Variants in GC observed in about 807,000 individuals in gnomAD.
GC encodes vitamin D-binding protein.
In GC, 43 loss-of-function variants were observed where a neutral mutation model predicts 56.7. The observed-to-expected ratio is 0.76, with a 90% CI of 0.59 to 0.98. The LOEUF (loss-of-function observed/expected upper bound fraction) is 0.98, where lower values mean the gene tolerates loss of function less well. Among genes scored for constraint, GC ranks in the 50% least tolerant of loss-of-function variants. The pLI, the probability that GC is intolerant of heterozygous loss-of-function variation, is 0.00. For missense variants in GC, 529 were observed against 545.9 expected (o/e 0.97, Z 0.31); for synonymous variants, 216 against 202.7 (o/e 1.07, Z -0.56).
At chr4:71,803,464 T>A (rs913145056) in intron 1 of GC, among the ~76,000 whole-genome samples, 5 of 152,088 alleles carry the variant, frequency 3.3e-5, no homozygotes, top group Admixed American at 6.5e-5. Context: ...ATAAATAACT[T>A]TACAAACTTC....
At chr4:71,774,526 C>T (rs1292188624) in intron 1 of GC, among the ~76,000 whole-genome samples, 1 of 151,854 alleles carries the variant, frequency 6.6e-6, no homozygotes, top group African/African-American at 2.4e-5. Flanking sequence ...TTTGCCTCTT[C>T]CACTTTTGGG....
chr4:71,800,987 C>T (rs1297228993), intron 1 of GC, among the ~76,000 whole-genome samples: 3 of 149,148 alleles, frequency 2.0e-5, no homozygotes, highest in Non-Finnish European at 3.0e-5. Context: ...AGAAAAATGG[C>T]CTTTATCAAA....
chr4:71,787,985 C>T (rs1295267906), upstream of GC, among the ~76,000 whole-genome samples: 1 of 151,812 alleles, frequency 6.6e-6, no homozygotes, highest in Non-Finnish European at 1.5e-5. Flanking sequence ...GCTGAGTCCA[C>T]CTCCTCTGTG....
chr4:71,784,071 A>G lies in GC; in HGVS notation c.-53T>C. 6.4e-7 allele frequency: 1 copy of G among 1,562,204 alleles called. No individual in the cohort carries two copies. The highest frequency in any genetic ancestry group is 2.3e-5 in the East Asian group (1 of 43,618). ...TCCTCTCTCCTGTAGGTGACCATGT[A>G]AAAGTGGTAGCCAAAAGTAATTGGT... On this transcript the variant is annotated 5_prime_UTR_variant, in exon 1 of 13. Coordinates refer to ENST00000273951, the MANE Select transcript of GC (RefSeq NM_000583.4).
At chr4:71,786,980 G>A (rs561421160), upstream of GC, among the ~76,000 whole-genome samples, 3 of 151,942 alleles carry the variant, frequency 2.0e-5, no homozygotes, top group Non-Finnish European at 4.4e-5. Context: ...GATGTACAGA[G>A]AAGAACAGAA....
Position 71,743,812 on chromosome 4 carries a change from T to C in GC, c.*26-1942A>G, listed in dbSNP as rs574094673. ...GAATGCAATGGTGATAAACAAGCAG[T>C]AGATAAAATTGAGCTCAAAACACTC... On this transcript the variant is annotated intron_variant, in intron 12 of 12. Coordinates refer to ENST00000273951, the MANE Select transcript of GC (RefSeq NM_000583.4). 9.0e-4 allele frequency among the ~76,000 whole-genome samples: 137 copies of C among 152,206 alleles called. 1 individual carries two copies. The highest frequency in any genetic ancestry group is 3.2e-3 in the African/African-American group (135 of 41,546).
chr4:71,793,945 C>T (rs60537241), intron 1 of GC, among the ~76,000 whole-genome samples: 3,188 of 152,072 alleles, frequency 0.021, 116 homozygotes, highest in African/African-American at 0.073. Context: ...TCTATTTATG[C>T]GATGGATTAC....
At chr4:71,789,801 G>A (rs910600904) in intron 1 of GC, among the ~76,000 whole-genome samples, 11 of 151,928 alleles carry the variant, frequency 7.2e-5, no homozygotes, top group African/African-American at 2.7e-4. Context: ...GGTCCTTTAT[G>A]TGTAGAAGAA....
At chr4:71,794,443 T>C (rs1240265141) in intron 1 of GC, among the ~76,000 whole-genome samples, 3 of 152,216 alleles carry the variant, frequency 2.0e-5, no homozygotes, top group Non-Finnish European at 1.5e-5. Context: ...TTTATTTGCA[T>C]AGAGGTGTTT....
Position 71,763,473 on chromosome 4 carries a change from G to T in GC, c.636C>A (p.Leu212=). ...ERLQLKHLSL[L]TTLSNRVCSQ... ...AGCAGACTCTATTTGACAGAGTGGT[G>T]AGAAGTGATAAATGTTTAAGCTGGA... Residue 212 remains leucine, a synonymous_variant, in exon 6 of 13, where the codon CTC becomes CTA. Transcript: ENST00000273951. The T allele has an allele frequency of 1.2e-6, 2 of 1,603,752 alleles. No homozygotes were observed. The highest frequency in any genetic ancestry group is 1.7e-6 in the Non-Finnish European group (2 of 1,171,006).
At chr4:71,776,247 A>C (rs1189017113) in intron 1 of GC, among the ~76,000 whole-genome samples, 1 of 151,930 alleles carries the variant, frequency 6.6e-6, no homozygotes, top group Non-Finnish European at 1.5e-5. Flanking sequence ...ATGCTGAAAC[A>C]ACCTAAGTGT....
chr4:71,754,990 A>G lies in GC; in HGVS notation c.1152T>C (p.Cys384=). ...ECCDVEDSTT[C]FNAKGPLLKK... is the part of the protein sequence containing the mutation. ...CCAACAAATATACCTTAGCATTAAA[A>G]CAGGTAGTTGAGTCTTCAACATCAC... Residue 384 remains cysteine, a synonymous_variant, in exon 9 of 13, where the codon TGT becomes TGC. Transcript: ENST00000273951. 1.3e-6 allele frequency: 2 copies of G among 1,581,698 alleles called. No homozygotes were observed. Among genetic ancestry groups the G allele is most frequent in the Middle Eastern group, 3.3e-4 (2 of 5,974 alleles).
rs939342077 is a variant in GC, at chr4:71,803,925, C to A, written c.21+1G>T. On this transcript the variant is annotated splice_donor_variant, in intron 1 of 13. Coordinates refer to the GC transcript ENST00000504199. LOFTEE classifies it high-confidence loss of function. ...AATTATTTGGAATTAGAACGCAGTA[C>A]CTCACTCCAAGACCACAGCATTTCC... 1.3e-6 allele frequency: 2 copies of A among 1,494,464 alleles called. No individual in the cohort carries two copies. Among genetic ancestry groups the A allele is most frequent in the Non-Finnish European group, 1.8e-6 (2 of 1,108,962 alleles). The allele number at this position is 1,494,464 out of a possible 1,614,324, so 92.6% of individuals were successfully genotyped here. A position where few individuals can be genotyped will look rare whatever the true frequency, so the allele number is the denominator to read the frequency against.
upstream of GC, among the ~76,000 whole-genome samples, chr4:71,786,283 T>A (rs1284628553): frequency 1.3e-5 from 2 of 151,886 alleles, no homozygotes; most frequent in East Asian, 3.9e-4. Context: ...CCTTAATCTT[T>A]CAAATGTTGA....
chr4:71,771,366 C>T (rs1742336447), intron 1 of GC, among the ~76,000 whole-genome samples: 1 of 151,698 alleles, frequency 6.6e-6, no homozygotes, highest in Admixed American at 6.6e-5. Context: ...CTTTAGGACT[C>T]ATCAGATTAA....
upstream of GC, among the ~76,000 whole-genome samples, chr4:71,786,161 T>C (rs1742828327): frequency 6.6e-6 from 1 of 151,888 alleles, no homozygotes; most frequent in Admixed American, 6.6e-5. Context: ...GAGAAATCTC[T>C]ATACGAGCTG....
rs556747164 is a variant in GC, at chr4:71,753,620, T to C, written c.1262+791A>G. On this transcript the variant is annotated intron_variant, in intron 10 of 12. Transcript: ENST00000273951. ...TACCACTTCTTACCTTATTGTGGCC[T>C]ATTATTTTACTGTTAATGTCTATTT... Among the ~76,000 whole-genome samples the C allele has an allele frequency of 3.3e-5, 5 of 152,344 alleles. No homozygotes were observed. The South Asian group carries it at 1.0e-3, about 32-fold the overall frequency.
intron 6 of GC, among the ~76,000 whole-genome samples, chr4:71,760,845 TC>T (rs1432456520): frequency 1.2e-4 from 18 of 152,308 alleles, no homozygotes; most frequent in Admixed American, 2.6e-4. Context: ...TATGATTTGC[TC>T]CTCCTTGCCT....
chr4:71,774,415 A>AT (rs1253435446), intron 1 of GC, among the ~76,000 whole-genome samples: 5 of 151,828 alleles, frequency 3.3e-5, no homozygotes, highest in African/African-American at 1.2e-4. Flanking sequence ...CAGAGGAAGC[A>AT]TTTTTTCTCC....
Sources: gnomAD v4.1 joint callset for allele counts (sites outside exome capture counted in the v4.1 genomes callset) on GRCh38, gnomAD v4.1.1 for gene constraint, MANE v1.5 for transcripts, NCBI Gene and HGNC (gene_info 2026-07-23, HGNC 2026-07-21) for gene names.